CCDC149: variants seen among roughly 807,000 people sequenced by gnomAD.
CCDC149 encodes coiled-coil domain containing 149.
Under a neutral mutation model 59.9 loss-of-function variants are expected in CCDC149, and 45 were observed. The ratio of observed to expected loss-of-function variants is 0.75; its 90% CI spans 0.59 to 0.96. CCDC149 has a LOEUF of 0.96. Ranked by LOEUF, CCDC149 falls within the 40% of genes least tolerant of loss-of-function variation. The pLI, the probability that CCDC149 is intolerant of heterozygous loss-of-function variation, is 0.00. For synonymous variants in CCDC149, 245 were observed against 260.6 expected, an observed-to-expected ratio of 0.94 and a Z score of 0.58; for missense variants, 584 against 664.7, an observed-to-expected ratio of 0.88 and a Z score of 1.33.
At chr4:24,904,677 G>T (rs1258688934) in intron 1 of CCDC149, among the ~76,000 whole-genome samples, 3 of 152,124 alleles carry the variant, frequency 2.0e-5, no homozygotes, top group African/African-American at 7.2e-5. Flanking sequence ...TAGTTGCTCT[G>T]CGTCCCTGTC....
In CCDC149 at chr4:24,910,109, T is replaced by C. The variant is rs546732802; in HGVS notation, c.63+2708A>G. On this transcript the variant is annotated intron_variant, in intron 1 of 12. Coordinates refer to ENST00000635206, the MANE Select transcript of CCDC149 (RefSeq NM_001330643.2). Reference sequence around the variant, plus strand: ...CAACAGTTGTTTTTTTCTGGGGACTTTGAGGGAGAATCTGCCTCTTCCAGC... The same window carrying C: ...CAACAGTTGTTTTTTTCTGGGGACTCTGAGGGAGAATCTGCCTCTTCCAGC... 7.2e-5 allele frequency among the ~76,000 whole-genome samples: 11 copies of C among 152,334 alleles called. No individual in the cohort carries two copies. The South Asian group carries it at 1.0e-3, about 14-fold the overall frequency.
intron 1 of CCDC149, chr4:24,895,194 G>A: frequency 1.5e-6 from 1 of 659,240 alleles, no homozygotes. Flanking sequence ...GGGTGAGGCA[G>A]GAGGGATATC....
At chr4:24,860,496 A>G (rs1343331157) in intron 3 of CCDC149, among the ~76,000 whole-genome samples, 3 of 152,216 alleles carry the variant, frequency 2.0e-5, no homozygotes, top group African/African-American at 7.2e-5. Context: ...AAATTCTATA[A>G]GATAGCATCA....
chr4:24,951,126 C>T (rs1049692849), intron 1 of CCDC149, among the ~76,000 whole-genome samples: 6 of 152,350 alleles, frequency 3.9e-5, no homozygotes, highest in Admixed American at 3.3e-4. Context: ...GTGTGGGTTC[C>T]GTGGGTGCCC....
chr4:24,873,699 A>C lies in CCDC149; in HGVS notation c.246T>G (p.Pro82=). 1.2e-6 allele frequency: 2 copies of C among 1,610,188 alleles called. No individual in the cohort carries two copies. The highest frequency in any genetic ancestry group is 2.2e-5 in the South Asian group (2 of 90,866). The change falls in exon 3 of 13, where the codon CCT becomes CCG. Residue 82 remains proline (P), a synonymous_variant. Coordinates refer to ENST00000635206, the MANE Select transcript of CCDC149 (RefSeq NM_001330643.2). The stretch of plus-strand genomic sequence containing the variant: ...GTCTTACCTGTTTCCTTTTTTCAGG[A>C]GGAAGTGATGGATCTCCATCCTACA...
chr4:24,896,089 C>T (rs1720830896), intron 1 of CCDC149, among the ~76,000 whole-genome samples: 2 of 152,230 alleles, frequency 1.3e-5, no homozygotes, highest in African/African-American at 4.8e-5. Context: ...GAGGGAAAAA[C>T]ATCCAACAGG....
intron 9 of CCDC149, chr4:24,826,951 G>GT (rs1715789203): frequency 6.6e-6 from 1 of 152,062 alleles, no homozygotes; most frequent in African/African-American, 2.4e-5. Context: ...TTTGTTTTTT[G>GT]TTTTTGCAGG....
intron 1 of CCDC149, among the ~76,000 whole-genome samples, chr4:24,930,518 T>C (rs2109341562): frequency 6.6e-6 from 1 of 152,334 alleles, no homozygotes; most frequent in South Asian, 2.1e-4. Flanking sequence ...ACTACGATTC[T>C]TGGTTTTCTT....
rs2078909905 is a variant in CCDC149 at position 24,808,380 on chromosome 4, C to T, written c.*9G>A. 2 of 1,445,780 alleles carry T rather than the reference C, an allele frequency of 1.4e-6. No homozygotes were observed. The highest frequency in any genetic ancestry group is 1.5e-5 in the South Asian group (1 of 64,766). 89.6% of individuals were successfully genotyped at this position (1,445,780 alleles called of 1,614,324 possible). A position where few individuals can be genotyped will look rare whatever the true frequency, so the allele number is the denominator to read the frequency against. On this transcript the variant is annotated 3_prime_UTR_variant, in exon 13 of 13. Coordinates refer to ENST00000635206, the MANE Select transcript of CCDC149 (RefSeq NM_001330643.2). ...TTCAATGTGTCATTGTGTCAGATCC[C>T]TCTCCCCTTCAGGTTTTCACGGTGC...
chr4:24,912,828 G>A lies in CCDC149; in HGVS notation c.52C>T (p.Leu18=). 5 of 1,367,654 alleles carry A rather than the reference G, an allele frequency of 3.7e-6. No individual in the cohort carries two copies. The highest frequency in any genetic ancestry group is 2.9e-5 in the South Asian group (2 of 67,898). The allele number at this position is 1,367,654 out of a possible 1,614,324, so 84.7% of individuals were successfully genotyped here. The change falls in exon 1 of 13, where the codon CTG becomes TTG. Residue 18 remains leucine, a synonymous_variant. Coordinates refer to ENST00000635206, the MANE Select transcript of CCDC149 (RefSeq NM_001330643.2). Reference sequence around the variant, plus strand: ...CGCCGCGGCCTCACCTCGCTCACCAGCCCCTGCCAGTCGCTCTCAGTCCGG... The same window carrying A: ...CGCCGCGGCCTCACCTCGCTCACCAACCCCTGCCAGTCGCTCTCAGTCCGG...
chr4:24,824,780 G>A lies in CCDC149; in HGVS notation c.966-2207C>T, dbSNP rs114537023. Reference sequence around the variant, plus strand: ...GGAATGTAAGCCTGGACTTGCTTCTGAAGCACATGCTCTTAACCAATACCC... The same window carrying A: ...GGAATGTAAGCCTGGACTTGCTTCTAAAGCACATGCTCTTAACCAATACCC... On this transcript the variant is annotated intron_variant, in intron 9 of 12. Coordinates refer to ENST00000635206, the MANE Select transcript of CCDC149 (RefSeq NM_001330643.2). Among the ~76,000 whole-genome samples, 618 of 152,328 alleles carry A rather than the reference G, an allele frequency of 4.1e-3. 6 individuals are homozygous for A. Among genetic ancestry groups the A allele is most frequent in the African/African-American group, 0.014 (576 of 41,566 alleles).
chr4:24,906,371 T>TTTCATTTTTATTTTA (rs1721513743), intron 1 of CCDC149, among the ~76,000 whole-genome samples: 1 of 25,252 alleles, frequency 4.0e-5, no homozygotes, highest in African/African-American at 6.7e-5. Flanking sequence ...ACAAATTTTA[T>TTTCATTTTTATTTTA]TTTATTTTAT....
chr4:24,937,440 TA>T (rs931260444), intron 1 of CCDC149, among the ~76,000 whole-genome samples: 7 of 152,232 alleles, frequency 4.6e-5, no homozygotes. Context: ...AATAGCATAT[TA>T]AAAACCCACA....
chr4:24,960,415 A>G (rs1387746867), intron 1 of CCDC149, among the ~76,000 whole-genome samples: 2 of 152,214 alleles, frequency 1.3e-5, no homozygotes, highest in Non-Finnish European at 2.9e-5. Context: ...TAGCATATCA[A>G]TAATCACATT....
chr4:24,883,694 G>C (rs1366110738), intron 1 of CCDC149, among the ~76,000 whole-genome samples: 1 of 152,060 alleles, frequency 6.6e-6, no homozygotes, highest in African/African-American at 2.4e-5. Context: ...CTATGTTAAA[G>C]GCTTTATAAA....
At chr4:24,914,837 C>A (rs1448341215), upstream of CCDC149, among the ~76,000 whole-genome samples, 1 of 152,144 alleles carries the variant, frequency 6.6e-6, no homozygotes, top group Non-Finnish European at 1.5e-5. Flanking sequence ...AAGCAATAGT[C>A]CCTGGCATCA....
At chr4:24,843,375 G>A (rs377001591) in intron 4 of CCDC149, among the ~76,000 whole-genome samples, 14 of 152,258 alleles carry the variant, frequency 9.2e-5, no homozygotes, top group East Asian at 5.8e-4. Flanking sequence ...ACATTCATCC[G>A]GAGTGGCACT....
intron 9 of CCDC149, chr4:24,830,720 T>C (rs1180218128): frequency 6.6e-6 from 1 of 152,136 alleles, no homozygotes; most frequent in Non-Finnish European, 1.5e-5. Context: ...GCTACATAAA[T>C]TGCAGGGTCC....
At chr4:24,929,281 G>T (rs989126017) in intron 1 of CCDC149, among the ~76,000 whole-genome samples, 5 of 152,164 alleles carry the variant, frequency 3.3e-5, no homozygotes, top group African/African-American at 1.2e-4. Flanking sequence ...CAGGGAGTGG[G>T]AATCGGCTCT....
Sources: gnomAD v4.1 joint callset for allele counts (sites outside exome capture counted in the v4.1 genomes callset) on GRCh38, gnomAD v4.1.1 for gene constraint, MANE v1.5 for transcripts, NCBI Gene and HGNC (gene_info 2026-07-23, HGNC 2026-07-21) for gene names.